The following SERAC1 variants were observed in gnomAD, a reference collection of about 807,000 sequenced individuals.
SERAC1 encodes serine active site containing 1.
A neutral mutation model predicts 85.7 loss-of-function variants in SERAC1; 36 were observed. The observed-to-expected ratio is 0.42, with a 90% confidence interval of 0.32 to 0.55. The LOEUF is 0.55. SERAC1 is among the 20% of genes least tolerant of loss of function. The pLI is 0.11. For missense variants in SERAC1, 629 were observed against 796.2 expected (o/e 0.79, Z 2.53); for synonymous variants, 242 against 265.3 (o/e 0.91, Z 0.85).
At chr6:158,143,035 T>C in intron 8 of SERAC1, 21 bp downstream of exon 8, 1 of 1,590,764 alleles carries the variant, frequency 6.3e-7, no homozygotes, top group African/African-American at 1.3e-5. Context: ...AAATATTTAC[T>C]GAATGAATAC....
rs549908581 is a variant in SERAC1 at position 158,117,021 on chromosome 6, C to A, written c.1403+706G>T. On this transcript the variant is annotated intron_variant, in intron 13 of 16. Coordinates refer to ENST00000647468, the MANE Select transcript of SERAC1 (RefSeq NM_032861.4). The surrounding 1 kb of genome is among the most constrained non-coding windows in gnomAD (Gnocchi z 4.3). ...AACTATCTAGTCTGGTAGTTTCAAA[C>A]TGTTTATTTGTAGACACATTTCTTC... is the stretch of plus-strand genomic sequence containing the variant. The A allele has an allele frequency of 6.5e-6, 1 of 153,738 alleles. No individual in the cohort carries two copies. The highest frequency in any genetic ancestry group is 2.0e-4 in the South Asian group (1 of 4,888). The allele number at this position is 153,738 out of a possible 1,614,324, so 9.5% of individuals were successfully genotyped here.
chr6:158,113,572 G>A lies in SERAC1; in HGVS notation c.1705C>T (p.Leu569=), dbSNP rs989018040. 2 of 1,613,838 alleles carry A rather than the reference G, an allele frequency of 1.2e-6. No individual in the cohort carries two copies. Among genetic ancestry groups the A allele is most frequent in the South Asian group, 1.1e-5 (1 of 91,050 alleles). Residue 569 remains leucine, a synonymous_variant, in exon 16 of 17, where the codon CTA becomes TTA. Transcript: ENST00000647468. ...GCAAACTCCAGAAAGTCATCTTGTA[G>A]TGTTTTAAGTGCAGGAGAATCTGTA... is the stretch of plus-strand genomic sequence containing the variant. The part of the protein sequence containing the change: ...LSKDSPALKT[L]QDDFLEFAKD...
chr6:158,165,300 C>T (rs1041237965), intron 1 of SERAC1, among the ~76,000 whole-genome samples: 27 of 152,170 alleles, frequency 1.8e-4, no homozygotes, highest in Admixed American at 9.2e-4. Context: ...GGACTACAGG[C>T]GGCTGCCACC....
chr6:158,158,289 T>C lies in SERAC1; in HGVS notation c.75A>G (p.Thr25=). 1.9e-6 allele frequency: 3 copies of C among 1,610,124 alleles called. No individual in the cohort carries two copies. The highest frequency in any genetic ancestry group is 1.3e-5 in the African/African-American group (1 of 74,980). Residue 25 remains threonine (T), a synonymous_variant, in exon 2 of 17, where the codon ACA becomes ACG. Coordinates refer to ENST00000647468, the MANE Select transcript of SERAC1 (RefSeq NM_032861.4). ...TGTACTCACTGATATCTCTCCAGTGTGTGCCACTTTTTGGTGGGGAAGTAG... is the reference window on the plus strand; with the variant it reads ...TGTACTCACTGATATCTCTCCAGTGCGTGCCACTTTTTGGTGGGGAAGTAG... ...GTSTSPPKSG[T]HWRDIRNIIK...
chr6:158,119,196 G>A lies in SERAC1; in HGVS notation c.1167-26C>T. 6.3e-7 allele frequency: 1 copy of A among 1,589,766 alleles called. No homozygotes were observed. The highest frequency in any genetic ancestry group is 8.6e-7 in the Non-Finnish European group (1 of 1,166,166). ...CTAATAGGGGAGAGAGTTTTAAAAAGAAGCAGAATAAATGCATTACTGCTT... is the reference window on the plus strand; with the variant it reads ...CTAATAGGGGAGAGAGTTTTAAAAAAAAGCAGAATAAATGCATTACTGCTT... On this transcript the variant is annotated intron_variant, in intron 11 of 16. Coordinates refer to ENST00000647468, the MANE Select transcript of SERAC1 (RefSeq NM_032861.4). This position sits in a 1 kb window ranked among gnomAD's most constrained non-coding sequence, Gnocchi z 4.5.
At chr6:158,159,043 TTC>T in intron 1 of SERAC1, 1 of 152,328 alleles carries the variant, frequency 6.6e-6, no homozygotes, top group East Asian at 1.9e-4. Flanking sequence ...AGGTTTTTTT[TTC>T]TTTTTCCTTT....
chr6:158,113,905 C>G (rs2128410209), intron 15 of SERAC1, among the ~76,000 whole-genome samples: 1 of 152,136 alleles, frequency 6.6e-6, no homozygotes, highest in African/African-American at 2.4e-5. Context: ...CAACACCCAC[C>G]CCAAAGCCCA....
chr6:158,117,286 ACT>A lies in SERAC1; in HGVS notation c.1403+439_1403+440del, dbSNP rs1784311838. On this transcript the variant is annotated intron_variant, in intron 13 of 16. Coordinates refer to ENST00000647468, the MANE Select transcript of SERAC1 (RefSeq NM_032861.4). This position sits in a 1 kb window ranked among gnomAD's most constrained non-coding sequence, Gnocchi z 4.3. Reference sequence around the variant, plus strand: ...GGATCCGGCTACTCTCAGTCCAGTAACTCTGAAATCCAGCACTCCTTCCCATG... The same window carrying A: ...GGATCCGGCTACTCTCAGTCCAGTAACTGAAATCCAGCACTCCTTCCCATG... 3.7e-6 allele frequency: 2 copies of A among 547,346 alleles called. No homozygotes were observed. Among genetic ancestry groups the A allele is most frequent in the South Asian group, 2.6e-5 (1 of 39,006 alleles). 33.9% of individuals were successfully genotyped at this position (547,346 alleles called of 1,614,324 possible). A position where few individuals can be genotyped will look rare whatever the true frequency, so the allele number is the denominator to read the frequency against.
At chr6:158,142,181 G>A (rs1463575531) in intron 8 of SERAC1, among the ~76,000 whole-genome samples, 1 of 150,040 alleles carries the variant, frequency 6.7e-6, no homozygotes, top group Non-Finnish European at 1.5e-5. Flanking sequence ...TTTTTTTTGA[G>A]ACAGGGTCTC....
At chr6:158,121,510 G>A (rs563544060) in intron 10 of SERAC1, among the ~76,000 whole-genome samples, 81 of 152,254 alleles carry the variant, frequency 5.3e-4, no homozygotes, top group Non-Finnish European at 9.6e-4. Flanking sequence ...TGTGAAAACC[G>A]TGGGCCCAGG....
At chr6:158,141,206 G>A (rs1784907473) in intron 8 of SERAC1, among the ~76,000 whole-genome samples, 1 of 152,154 alleles carries the variant, frequency 6.6e-6, no homozygotes, top group Non-Finnish European at 1.5e-5. Flanking sequence ...GCCACATATT[G>A]GATGATTCCA....
At chr6:158,135,359 C>T (rs554130084) in intron 8 of SERAC1, among the ~76,000 whole-genome samples, 1 of 152,182 alleles carries the variant, frequency 6.6e-6, no homozygotes, top group Non-Finnish European at 1.5e-5. Flanking sequence ...TGGTGACATC[C>T]CGTCTCTACT....
chr6:158,136,860 T>C (rs1051612451), intron 8 of SERAC1, among the ~76,000 whole-genome samples: 1 of 152,066 alleles, frequency 6.6e-6, no homozygotes, highest in East Asian at 1.9e-4. Context: ...GTAGGGGGAA[T>C]AAGAATAACT....
chr6:158,138,692 G>A (rs1250680012), intron 8 of SERAC1, among the ~76,000 whole-genome samples: 1 of 152,058 alleles, frequency 6.6e-6, no homozygotes, highest in African/African-American at 2.4e-5. Flanking sequence ...CAACCAAGCT[G>A]AAACTATCAG....
Position 158,111,469 on chromosome 6 carries a change from A to G in SERAC1, c.1862T>C (p.Val621Ala). Residue 621 changes from valine (V) to alanine (A), a missense_variant, in exon 17 of 17, where the codon GTT (valine) becomes GCT (alanine). Coordinates refer to ENST00000647468, the MANE Select transcript of SERAC1 (RefSeq NM_032861.4). ...TGGCTTACAAATGTTCAAATGGTTA[A>G]CATCCACAGGAATTAGATCTCCAAT... ...LGIGDLIPVD[V>A]NHLNICKPKK... is the part of the protein sequence containing the mutation. 1 of 1,609,224 alleles carries G rather than the reference A, an allele frequency of 6.2e-7. No individual in the cohort carries two copies. Among genetic ancestry groups the G allele is most frequent in the Non-Finnish European group, 8.5e-7 (1 of 1,178,254 alleles).
chr6:158,143,080 G>A lies in SERAC1; in HGVS notation c.714C>T (p.Ser238=), dbSNP rs1784955724. 1.9e-6 allele frequency: 3 copies of A among 1,612,214 alleles called. No homozygotes were observed. The highest frequency in any genetic ancestry group is 2.5e-6 in the Non-Finnish European group (3 of 1,179,120). ...CCTTCTGAGCAGCTAGACTCTGACT[G>A]CTTTCACTAAGAGCCAAAGATGTAA... ...QYFTSLALSE[S]SQSLAAQKGG... Residue 238 remains serine (S), a synonymous_variant, in exon 8 of 17, where the codon AGC becomes AGT. Coordinates refer to ENST00000647468, the MANE Select transcript of SERAC1 (RefSeq NM_032861.4).
intron 8 of SERAC1, among the ~76,000 whole-genome samples, chr6:158,131,400 ATATATT>A (rs899509445): frequency 2.7e-5 from 4 of 146,980 alleles, no homozygotes; most frequent in Admixed American, 6.8e-5. Context: ...AAATTATATA[ATATATT>A]TATATTTATA....
In SERAC1 at chr6:158,151,873, TA is replaced by T. The variant is rs113019190; in HGVS notation, c.129-1285del. Among the ~76,000 whole-genome samples the T allele has an allele frequency of 8.8e-3, 1,281 of 145,460 alleles. 12 individuals are homozygous for T. The highest frequency in any genetic ancestry group is 0.025 in the African/African-American group (985 of 40,166). ...TTTTCAAAAATTTAAGTTCATAAGT[TA>T]AAAAAAAAAAATACAGTAAGCTGAG... is the stretch of plus-strand genomic sequence containing the variant. On this transcript the variant is annotated intron_variant, in intron 3 of 16. Transcript: ENST00000647468.
chr6:158,118,573 G>A (rs1173098550), intron 12 of SERAC1, among the ~76,000 whole-genome samples: 13 of 139,432 alleles, frequency 9.3e-5, no homozygotes, highest in Admixed American at 6.8e-4. Context: ...CGCTAGGATC[G>A]CACCACTGCA....
Sources: gnomAD v4.1 joint callset for allele counts (sites outside exome capture counted in the v4.1 genomes callset) on GRCh38, gnomAD v4.1.1 for gene constraint, Gnocchi (gnomAD v3.1) non-coding constraint, MANE v1.5 for transcripts, NCBI Gene and HGNC (gene_info 2026-07-23, HGNC 2026-07-21) for gene names.